PTPRD: variants seen among roughly 807,000 people sequenced by gnomAD.
PTPRD encodes the protein receptor-type tyrosine-protein phosphatase delta.
PTPRD carries 34 observed loss-of-function variants against 214.5 expected under a neutral mutation model. That is an observed-to-expected ratio of 0.16 (90% CI 0.12 to 0.21). PTPRD has a LOEUF of 0.21. Among genes scored for constraint, PTPRD ranks in the 10% least tolerant of loss-of-function variants. The pLI is 1.00. For missense variants in PTPRD, 2,545 were observed against 2,398.7 expected (o/e 1.06, Z -1.27); for synonymous variants, 1,128 against 845.7 (o/e 1.33, Z -5.79).
intron 9 of PTPRD, among the ~76,000 whole-genome samples, chr9:9,311,404 A>T (rs894576796): frequency 2.6e-5 from 4 of 152,194 alleles, no homozygotes; most frequent in African/African-American, 9.6e-5. Context: ...GAAAACACTG[A>T]TAAATGTCAA....
chr9:9,406,641 G>T (rs1302905293), intron 8 of PTPRD, among the ~76,000 whole-genome samples: 1 of 151,770 alleles, frequency 6.6e-6, no homozygotes, highest in Non-Finnish European at 1.5e-5. Context: ...ATTCCCAAAA[G>T]CAAGAGGATT....
chr9:10,564,046 C>T (rs1439101537), intron 2 of PTPRD, among the ~76,000 whole-genome samples: 1 of 151,662 alleles, frequency 6.6e-6, no homozygotes, highest in African/African-American at 2.4e-5. Flanking sequence ...TGCTCTGTTA[C>T]ACAGACTGGA....
rs571736206 is a variant in PTPRD at position 9,161,354 on chromosome 9, G to C, written c.-143+21950C>G. On this transcript the variant is annotated intron_variant, in intron 10 of 45. Transcript: ENST00000381196. ...AGTAATATTAATAAGAAAAGAATTA[G>C]TGGTCAGGAGATAAAATTGGAGATC... 2.8e-4 allele frequency among the ~76,000 whole-genome samples: 42 copies of C among 152,118 alleles called. 1 individual carries two copies. Among genetic ancestry groups the C allele is most frequent in the Admixed American group, 1.0e-3 (16 of 15,278 alleles).
intron 2 of PTPRD, among the ~76,000 whole-genome samples, chr9:10,374,503 A>G (rs1336131254): frequency 3.3e-5 from 5 of 152,024 alleles, no homozygotes; most frequent in Admixed American, 6.6e-5. Flanking sequence ...TGCCCACGGA[A>G]TAACTGTCTC....
intron 11 of PTPRD, among the ~76,000 whole-genome samples, chr9:8,750,785 G>A (rs536558017): frequency 6.6e-6 from 1 of 152,146 alleles, no homozygotes; most frequent in South Asian, 2.1e-4. Flanking sequence ...AGGTTGCACA[G>A]GGCCTGTAAG....
rs142486643 is a variant in PTPRD, at chr9:9,641,491, G to C, written c.-286-66710C>G. On this transcript the variant is annotated intron_variant, in intron 7 of 45. Transcript: ENST00000381196. ...ACACTCCCCGCTAGAAATGATAAGA[G>C]GCTATAGGAAAGTACCATAGTGTGT... Among the ~76,000 whole-genome samples the C allele has an allele frequency of 4.3e-4, 66 of 152,256 alleles. 1 individual carries two copies. Among genetic ancestry groups the C allele is most frequent in the African/African-American group, 1.6e-3 (66 of 41,556 alleles).
intron 3 of PTPRD, among the ~76,000 whole-genome samples, chr9:10,166,120 T>C (rs528441856): frequency 6.6e-6 from 1 of 150,496 alleles, no homozygotes; most frequent in Non-Finnish European, 1.5e-5. Context: ...TGTACATATA[T>C]ACATACATAA....
chr9:9,479,219 C>CA (rs1471062965), intron 8 of PTPRD, among the ~76,000 whole-genome samples: 1 of 26,186 alleles, frequency 3.8e-5, no homozygotes. Context: ...ACACACGCCC[C>CA]CCCCCCCCCC....
At chr9:10,543,092 T>G (rs1048960961) in intron 2 of PTPRD, among the ~76,000 whole-genome samples, 1 of 151,746 alleles carries the variant, frequency 6.6e-6, no homozygotes, top group Non-Finnish European at 1.5e-5. Flanking sequence ...TCCACGTTGG[T>G]CGCACTGGTC....
chr9:10,197,345 G>T (rs117703034), intron 3 of PTPRD, among the ~76,000 whole-genome samples: 4,499 of 152,240 alleles, frequency 0.03, 109 homozygotes, highest in Middle Eastern at 0.058. Context: ...CAGCAGCCAT[G>T]TATACCGAGG....
chr9:8,351,109 C>T (rs185956475), intron 39 of PTPRD, among the ~76,000 whole-genome samples: 2 of 152,204 alleles, frequency 1.3e-5, no homozygotes, highest in Admixed American at 6.5e-5. Flanking sequence ...TATATCAATA[C>T]CATGGATGTG....
chr9:10,355,462 A>C (rs1165441960), intron 2 of PTPRD, among the ~76,000 whole-genome samples: 1 of 151,212 alleles, frequency 6.6e-6, no homozygotes, highest in Non-Finnish European at 1.5e-5. Flanking sequence ...TTTAGAAAAT[A>C]CTGCTATATT....
At chr9:9,335,450 G>A (rs1453846660) in intron 9 of PTPRD, among the ~76,000 whole-genome samples, 8 of 151,886 alleles carry the variant, frequency 5.3e-5, no homozygotes, top group African/African-American at 1.7e-4. Flanking sequence ...TGTTTTTAAC[G>A]GGTAGTGTAC....
chr9:10,075,510 T>G (rs1371954639), intron 3 of PTPRD, among the ~76,000 whole-genome samples: 7 of 151,932 alleles, frequency 4.6e-5, no homozygotes, highest in Admixed American at 4.6e-4. Context: ...AAATAATATT[T>G]TATATTAATC....
chr9:9,537,008 A>G (rs1024030408), intron 8 of PTPRD, among the ~76,000 whole-genome samples: 1 of 151,890 alleles, frequency 6.6e-6, no homozygotes, highest in African/African-American at 2.4e-5. Flanking sequence ...ATGGTTCAAC[A>G]AAAGTTTTAC....
chr9:10,055,563 G>A (rs1238707431), intron 3 of PTPRD, among the ~76,000 whole-genome samples: 1 of 151,958 alleles, frequency 6.6e-6, no homozygotes, highest in Non-Finnish European at 1.5e-5. Context: ...TGACTTTAGG[G>A]TCCTCACTCT....
At chr9:9,793,313 G>A (rs1398397819) in intron 5 of PTPRD, among the ~76,000 whole-genome samples, 2 of 152,046 alleles carry the variant, frequency 1.3e-5, no homozygotes, top group African/African-American at 2.4e-5. Flanking sequence ...TCTCTGAGTT[G>A]TTTTGTTTTC....
chr9:10,217,636 A>C (rs1054254909), intron 3 of PTPRD, among the ~76,000 whole-genome samples: 1 of 151,938 alleles, frequency 6.6e-6, no homozygotes, highest in Non-Finnish European at 1.5e-5. Context: ...AAGAGGAAAA[A>C]ATGAAATTTA....
chr9:8,949,329 T>C (rs1310287441), intron 11 of PTPRD, among the ~76,000 whole-genome samples: 1 of 152,104 alleles, frequency 6.6e-6, no homozygotes, highest in East Asian at 1.9e-4. Flanking sequence ...TATGAAATAT[T>C]GTCTTATTAT....
Sources: allele counts gnomAD v4.1 joint callset (sites outside exome capture counted in the v4.1 genomes callset), GRCh38; gene constraint gnomAD v4.1.1; transcripts MANE v1.5; gene names NCBI Gene and HGNC (gene_info 2026-07-23, HGNC 2026-07-21).